Variants in FSHR observed in about 807,000 individuals in gnomAD.
The protein encoded by FSHR is follicle stimulating hormone receptor, also known as follicle-stimulating hormone receptor.
FSHR carries 46 observed loss-of-function variants against 52.1 expected under a neutral mutation model. That is an observed-to-expected ratio of 0.88 (90% CI 0.70 to 1.13). The LOEUF (loss-of-function observed/expected upper bound fraction) is 1.13, where lower values mean the gene tolerates loss of function less well. FSHR is among the 50% of genes most tolerant of loss of function. The pLI is 0.00. For synonymous variants in FSHR, 399 were observed against 309.6 expected, an observed-to-expected ratio of 1.29 and a Z score of -3.03; for missense variants, 964 against 834.6, an observed-to-expected ratio of 1.16 and a Z score of -1.91.
chr2:49,097,372 G>A (rs7420778), intron 1 of FSHR, among the ~76,000 whole-genome samples: 70,881 of 151,918 alleles, frequency 0.47, 16,849 homozygotes, highest in African/African-American at 0.55. Context: ...TTTCTGTCAT[G>A]TTTATTATTC....
At chr2:49,014,467 G>T (rs1667408904) in intron 4 of FSHR, among the ~76,000 whole-genome samples, 2 of 152,070 alleles carry the variant, frequency 1.3e-5, no homozygotes, top group African/African-American at 4.8e-5. Context: ...GCATAGCTCT[G>T]TTTCCTCTGT....
Position 49,063,656 on chromosome 2 carries a change from T to C in FSHR, c.224+4563A>G, listed in dbSNP as rs192544770. On this transcript the variant is annotated intron_variant, in intron 2 of 9. Coordinates refer to ENST00000406846, the MANE Select transcript of FSHR (RefSeq NM_000145.4). The stretch of plus-strand genomic sequence containing the variant: ...GAAGCAGAGAGTAGAATAGTGGTTA[T>C]TGGAGGCAGGGAAGTCTATGTGGGA... Among the ~76,000 whole-genome samples, 7 of 152,220 alleles carry C rather than the reference T, an allele frequency of 4.6e-5. No homozygotes were observed. The South Asian group carries it at 6.2e-4, about 14-fold the overall frequency.
At chr2:49,148,162 A>C (rs1210420181) in intron 1 of FSHR, among the ~76,000 whole-genome samples, 1 of 152,048 alleles carries the variant, frequency 6.6e-6, no homozygotes, top group Non-Finnish European at 1.5e-5. Context: ...TGTTAGGTAT[A>C]GAGAGGCAAG....
At chr2:49,076,815 A>G (rs1669965890) in intron 1 of FSHR, among the ~76,000 whole-genome samples, 1 of 152,192 alleles carries the variant, frequency 6.6e-6, no homozygotes, top group African/African-American at 2.4e-5. Flanking sequence ...ATTTTGGCCA[A>G]CCGATGCAGG....
At chr2:49,095,308 C>A (rs1670781983) in intron 1 of FSHR, among the ~76,000 whole-genome samples, 2 of 152,014 alleles carry the variant, frequency 1.3e-5, no homozygotes, top group Non-Finnish European at 2.9e-5. Flanking sequence ...AATTGAGAGT[C>A]CGGAAATAAG....
chr2:49,092,172 T>C (rs568415858), intron 1 of FSHR, among the ~76,000 whole-genome samples: 3 of 152,340 alleles, frequency 2.0e-5, no homozygotes, highest in Non-Finnish European at 4.4e-5. Flanking sequence ...TTCTAATTGT[T>C]CGCTGCTAAA....
intron 2 of FSHR, among the ~76,000 whole-genome samples, chr2:49,056,066 G>C (rs556644063): frequency 6.6e-6 from 1 of 151,912 alleles, no homozygotes; most frequent in Non-Finnish European, 1.5e-5. Context: ...AAAAATAAGA[G>C]AGGAAGTAAG....
At chr2:49,128,971 C>T (rs1672164775) in intron 1 of FSHR, among the ~76,000 whole-genome samples, 1 of 151,322 alleles carries the variant, frequency 6.6e-6, no homozygotes, top group Non-Finnish European at 1.5e-5. Context: ...TATTTTCTCA[C>T]AATCCTAATT....
At chr2:49,009,115 T>G (rs868120798) in intron 4 of FSHR, among the ~76,000 whole-genome samples, 1 of 151,846 alleles carries the variant, frequency 6.6e-6, no homozygotes, top group East Asian at 1.9e-4. Flanking sequence ...GCCTATGTCC[T>G]GAATGGTAAT....
intron 2 of FSHR, among the ~76,000 whole-genome samples, chr2:49,055,658 G>A (rs1249026207): frequency 1.3e-5 from 2 of 149,296 alleles, no homozygotes; most frequent in Non-Finnish European, 3.0e-5. Context: ...AAAACAGGAA[G>A]AGAAAAGCCT....
chr2:49,013,722 T>G (rs1000865051), intron 4 of FSHR, among the ~76,000 whole-genome samples: 2 of 151,494 alleles, frequency 1.3e-5, no homozygotes, highest in African/African-American at 2.4e-5. Flanking sequence ...TAGCAGTGGA[T>G]GTGCAAACAT....
intron 1 of FSHR, among the ~76,000 whole-genome samples, chr2:49,086,995 C>A (rs1287562287): frequency 1.3e-5 from 2 of 148,948 alleles, no homozygotes; most frequent in African/African-American, 4.9e-5. Flanking sequence ...ACTGAGAACA[C>A]CTGCTTTAGT....
intron 1 of FSHR, among the ~76,000 whole-genome samples, chr2:49,078,610 A>G (rs556482458): frequency 2.6e-5 from 4 of 151,278 alleles, no homozygotes; most frequent in African/African-American, 4.9e-5. Context: ...GAAAATTTTC[A>G]TATAAATAAA....
At chr2:49,028,110 G>A (rs1398473151) in intron 2 of FSHR, among the ~76,000 whole-genome samples, 2 of 152,144 alleles carry the variant, frequency 1.3e-5, no homozygotes, top group Non-Finnish European at 2.9e-5. Context: ...AAAAAAAAGT[G>A]AGGTGCGAGG....
intron 1 of FSHR, among the ~76,000 whole-genome samples, chr2:49,120,254 G>C (rs1264633460): frequency 6.6e-6 from 1 of 152,176 alleles, no homozygotes; most frequent in African/African-American, 2.4e-5. Context: ...CTGGGCAAGA[G>C]AGTGAGACTC....
chr2:49,148,198 G>C (rs909999055), intron 1 of FSHR, among the ~76,000 whole-genome samples: 2 of 151,934 alleles, frequency 1.3e-5, no homozygotes, highest in Non-Finnish European at 2.9e-5. Flanking sequence ...CAAGAGAATT[G>C]AATGATGTGC....
At chr2:49,127,814 CTTCTTCTTCTTCTTCCT>C (rs1672083914) in intron 1 of FSHR, among the ~76,000 whole-genome samples, 2 of 49,398 alleles carry the variant, frequency 4.0e-5, no homozygotes, top group Admixed American at 3.2e-4. Flanking sequence ...TCTTCTTCTT[CTTCTTCTTCTTCTTCCT>C]CTTCTTCTTC....
At chr2:48,987,587 A>T (rs1334021065) in intron 6 of FSHR, among the ~76,000 whole-genome samples, 1 of 151,970 alleles carries the variant, frequency 6.6e-6, no homozygotes, top group African/African-American at 2.4e-5. Context: ...CCCTTTGCCA[A>T]TTCCCTAGCT....
intron 2 of FSHR, among the ~76,000 whole-genome samples, chr2:49,031,607 C>T (rs1668105571): frequency 6.6e-6 from 1 of 152,036 alleles, no homozygotes; most frequent in Admixed American, 6.6e-5. Context: ...CACTCTAGTT[C>T]CAGGGGTCTT....
Sources: gnomAD v4.1 joint callset for allele counts (sites outside exome capture counted in the v4.1 genomes callset) on GRCh38, gnomAD v4.1.1 for gene constraint, MANE v1.5 for transcripts, NCBI Gene and HGNC (gene_info 2026-07-23, HGNC 2026-07-21) for gene names.